The following ITPR1 variants were observed in gnomAD, a reference collection of about 807,000 sequenced individuals.
ITPR1 encodes inositol 1,4,5-trisphosphate-gated calcium channel ITPR1.
A neutral mutation model predicts 318.4 loss-of-function variants in ITPR1; 96 were observed. The observed-to-expected ratio is 0.30, with a 90% CI of 0.26 to 0.36. The LOEUF (loss-of-function observed/expected upper bound fraction) is 0.36. Ranked by LOEUF, ITPR1 falls within the 10% of genes least tolerant of loss-of-function variation. ITPR1 has a pLI of 1.00. For missense variants in ITPR1, 2,440 were observed against 3,460.2 expected (o/e 0.71, Z 7.40); for synonymous variants, 1,312 against 1,289.9 (o/e 1.02, Z -0.37).
In ITPR1 at chr3:4,811,419, T is replaced by C; in HGVS notation, c.7427T>C (p.Ile2476Thr). Residue 2476 changes from isoleucine (I) to threonine (T), a missense_variant, in exon 56 of 62, where the codon ATC (isoleucine) becomes ACC (threonine). Around this residue, in one of 23 missense-constraint regions of ITPR1, gnomAD observed 88 missense variants for 90.5 expected, o/e 0.97. Transcript: ENST00000649015. Reference protein sequence around the residue: ...VGYLFFKDDFILEVDRLPNET... With the variant: ...VGYLFFKDDFTLEVDRLPNET... ...TATCTTTTCTTCAAGGATGACTTTA[T>C]CTTGGAAGTAGATAGGCTGCCCAAT... The C allele has an allele frequency of 6.2e-7, 1 of 1,614,042 alleles. No homozygotes were observed. Among genetic ancestry groups the C allele is most frequent in the Non-Finnish European group, 8.5e-7 (1 of 1,179,878 alleles).
intron 24 of ITPR1, among the ~76,000 whole-genome samples, chr3:4,679,808 C>G (rs889213211): frequency 3.3e-5 from 5 of 152,182 alleles, no homozygotes; most frequent in Non-Finnish European, 7.3e-5. Context: ...GTCCAACAGT[C>G]TGTAGGACAC....
At chr3:4,795,230 G>T in intron 53 of ITPR1, 43 bp downstream of exon 53, 1 of 1,591,638 alleles carries the variant, frequency 6.3e-7, no homozygotes, top group South Asian at 1.1e-5. Flanking sequence ...AGAAGCAGCA[G>T]GAAGGCTAGG....
Position 4,796,524 on chromosome 3 carries a change from A to G in ITPR1, c.6931+1337A>G, listed in dbSNP as rs1290913311. Among the ~76,000 whole-genome samples, 5 of 152,190 alleles carry G rather than the reference A, an allele frequency of 3.3e-5. No individual in the cohort carries two copies. In the South Asian group the frequency reaches 6.2e-4, roughly 19 times the overall value. On this transcript the variant is annotated intron_variant, in intron 53 of 61. Transcript: ENST00000649015. Reference sequence around the variant, plus strand: ...CCTCAGGGAAGTTGTCATGTTCCTCACGGCAGATTATTCAACCCTTACCTT... The same window carrying G: ...CCTCAGGGAAGTTGTCATGTTCCTCGCGGCAGATTATTCAACCCTTACCTT...
chr3:4,677,301 A>G (rs1168078030), intron 24 of ITPR1, among the ~76,000 whole-genome samples: 2 of 152,236 alleles, frequency 1.3e-5, no homozygotes, highest in Non-Finnish European at 2.9e-5. Flanking sequence ...TAGAATTTAC[A>G]TTTTGATAGA....
chr3:4,752,383 A>G (rs918796353), intron 44 of ITPR1, among the ~76,000 whole-genome samples: 1 of 152,174 alleles, frequency 6.6e-6, no homozygotes, highest in Non-Finnish European at 1.5e-5. Context: ...GGGCCGGGGT[A>G]GTTAACAGTT....
intron 2 of ITPR1, among the ~76,000 whole-genome samples, chr3:4,496,747 G>A (rs1008237241): frequency 6.6e-6 from 1 of 152,190 alleles, no homozygotes; most frequent in Non-Finnish European, 1.5e-5. Flanking sequence ...GCAACCAACT[G>A]ACTTCCAGAG....
intron 52 of ITPR1, among the ~76,000 whole-genome samples, chr3:4,793,451 CG>C (rs2047697773): frequency 6.6e-6 from 1 of 152,210 alleles, no homozygotes; most frequent in Non-Finnish European, 1.5e-5. Flanking sequence ...TCAGCTTCAG[CG>C]GTTATCAACT....
At chr3:4,603,661 C>G (rs2091477986) in intron 4 of ITPR1, among the ~76,000 whole-genome samples, 1 of 152,146 alleles carries the variant, frequency 6.6e-6, no homozygotes, top group African/African-American at 2.4e-5. Context: ...ATTTCCTGAC[C>G]TCGTGTTCCA....
At chr3:4,592,848 G>A (rs533394136) in intron 4 of ITPR1, among the ~76,000 whole-genome samples, 21 of 152,318 alleles carry the variant, frequency 1.4e-4, no homozygotes, top group Non-Finnish European at 2.5e-4. Flanking sequence ...CACCTTTGGA[G>A]CAAGGAGATT....
chr3:4,536,704 A>G (rs1215234086), intron 4 of ITPR1, among the ~76,000 whole-genome samples: 1 of 152,236 alleles, frequency 6.6e-6, no homozygotes, highest in Non-Finnish European at 1.5e-5. Context: ...TCATGTTAAT[A>G]ATAGCTTACG....
At chr3:4,763,478 C>T (rs1329377526) in intron 44 of ITPR1, among the ~76,000 whole-genome samples, 2 of 152,166 alleles carry the variant, frequency 1.3e-5, no homozygotes, top group African/African-American at 4.8e-5. Context: ...ACTGAGCACA[C>T]CTCTCATTTC....
At position 4,524,257 on chromosome 3, in the gene ITPR1, A is replaced by T. The variant is rs185998223; in HGVS notation, c.163+3163A>T. On this transcript the variant is annotated intron_variant, in intron 4 of 61. Transcript: ENST00000649015. ...GAACTTGGGCAGTGAGTTTTAAAAA[A>T]TTTTCCAAAGCATTCCTTCAACTGC... 8.7e-3 allele frequency among the ~76,000 whole-genome samples: 1,227 copies of T among 140,732 alleles called. 12 individuals are homozygous for T. The highest frequency in any genetic ancestry group is 0.029 in the African/African-American group (1,123 of 38,328). 92.3% of individuals were successfully genotyped at this position (140,732 alleles called of 152,430 possible).
chr3:4,610,994 T>TCCTTC (rs1262601853), intron 4 of ITPR1, among the ~76,000 whole-genome samples: 9 of 83,568 alleles, frequency 1.1e-4, no homozygotes, highest in Admixed American at 4.0e-4. Flanking sequence ...CTTCTCCTTC[T>TCCTTC]CCTTCCCTTC....
chr3:4,757,484 TG>T (rs1456598291), intron 44 of ITPR1, among the ~76,000 whole-genome samples: 1 of 152,014 alleles, frequency 6.6e-6, no homozygotes, highest in Non-Finnish European at 1.5e-5. Flanking sequence ...AGGGGTGGGG[TG>T]GATTATAAAA....
chr3:4,784,047 G>A, intron 51 of ITPR1, 127 bp downstream of exon 51: 2 of 658,928 alleles, frequency 3.0e-6, no homozygotes, highest in South Asian at 4.4e-5. Flanking sequence ...TGTGTGCTAG[G>A]TCCTGGGCTG....
intron 42 of ITPR1, among the ~76,000 whole-genome samples, chr3:4,727,662 C>T (rs2042616596): frequency 6.6e-6 from 1 of 152,180 alleles, no homozygotes; most frequent in Non-Finnish European, 1.5e-5. Flanking sequence ...GCAGCCTCAA[C>T]CTCCTGGGCT....
Position 4,710,542 on chromosome 3 carries a change from C to T in ITPR1, c.4991+69C>T, listed in dbSNP as rs189703703. On this transcript the variant is annotated intron_variant, in intron 38 of 61. Coordinates refer to ENST00000649015, the MANE Select transcript of ITPR1 (RefSeq NM_001378452.1). The surrounding 1 kb of genome is among the most constrained non-coding windows in gnomAD (Gnocchi z 4.2). ...GATGACCTCACAAAGCTTTTGTTCC[C>T]GAAGAAGGAGACGTTGTCCTGTTTT... is the stretch of plus-strand genomic sequence containing the variant. 1,583 of 1,457,470 alleles carry T rather than the reference C, an allele frequency of 1.1e-3. 2 individuals are homozygous for T. The highest frequency in any genetic ancestry group is 2.6e-3 in the Admixed American group (126 of 48,302). 90.3% of individuals were successfully genotyped at this position (1,457,470 alleles called of 1,614,324 possible). A position where few individuals can be genotyped will look rare whatever the true frequency, so the allele number is the denominator to read the frequency against.
At position 4,710,199 on chromosome 3, in the gene ITPR1, C is replaced by A. The variant is rs187543816; in HGVS notation, c.4843-126C>A. 16 of 778,744 alleles carry A rather than the reference C, an allele frequency of 2.1e-5. No homozygotes were observed. Among genetic ancestry groups the A allele is most frequent in the Non-Finnish European group, 2.7e-5 (15 of 547,006 alleles). 48.2% of individuals were successfully genotyped at this position (778,744 alleles called of 1,614,324 possible). On this transcript the variant is annotated intron_variant, in intron 37 of 61. Transcript: ENST00000649015. This position sits in a 1 kb window ranked among gnomAD's most constrained non-coding sequence, Gnocchi z 4.2. Reference sequence around the variant, plus strand: ...ATGTCTAATAATTTGAGATGCCAGACGGTACTAAAGTTACTCTAACCTAGC... The same window carrying A: ...ATGTCTAATAATTTGAGATGCCAGAAGGTACTAAAGTTACTCTAACCTAGC...
intron 4 of ITPR1, among the ~76,000 whole-genome samples, chr3:4,600,805 C>A (rs1046958190): frequency 6.6e-6 from 1 of 152,086 alleles, no homozygotes; most frequent in Non-Finnish European, 1.5e-5. Context: ...ACAAGGGCGA[C>A]TCCCACAGAA....
Sources: gnomAD v4.1 joint callset for allele counts (sites outside exome capture counted in the v4.1 genomes callset) on GRCh38, gnomAD v4.1.1 for gene constraint, gnomAD v4.1.1 regional missense constraint, Gnocchi (gnomAD v3.1) non-coding constraint, MANE v1.5 for transcripts, NCBI Gene and HGNC (gene_info 2026-07-23, HGNC 2026-07-21) for gene names.